KCNH8: variants seen among roughly 807,000 people sequenced by gnomAD.
KCNH8 encodes the protein potassium voltage-gated channel subfamily H member 8, also known as voltage-gated delayed rectifier potassium channel KCNH8.
KCNH8 carries 70 observed loss-of-function variants against 103.6 expected under a neutral mutation model. That is an observed-to-expected ratio of 0.68 (90% CI 0.56 to 0.82). The LOEUF (loss-of-function observed/expected upper bound fraction) is 0.82, where lower values mean the gene tolerates loss of function less well. Ranked by LOEUF, KCNH8 falls within the 40% of genes least tolerant of loss-of-function variation. The pLI is 0.00. For synonymous variants in KCNH8, 498 were observed against 489.4 expected, an observed-to-expected ratio of 1.02 and a Z score of -0.23; for missense variants, 1,217 against 1,329.9, an observed-to-expected ratio of 0.92 and a Z score of 1.32.
chr3:19,490,816 A>G (rs1047991146), intron 11 of KCNH8, among the ~76,000 whole-genome samples: 3 of 152,168 alleles, frequency 2.0e-5, no homozygotes, highest in African/African-American at 7.2e-5. Flanking sequence ...GACTTTTGGA[A>G]AACTCTGGAT....
At chr3:19,187,392 A>G (rs944557523) in intron 1 of KCNH8, among the ~76,000 whole-genome samples, 1 of 152,016 alleles carries the variant, frequency 6.6e-6, no homozygotes, top group African/African-American at 2.4e-5. Context: ...ATTGTCATGA[A>G]ATAACAACAA....
intron 1 of KCNH8, among the ~76,000 whole-genome samples, chr3:19,224,037 T>A (rs768475217): frequency 1.3e-5 from 2 of 152,164 alleles, no homozygotes; most frequent in Non-Finnish European, 2.9e-5. Context: ...TTATACTGAT[T>A]TGTGCTTCCC....
At chr3:19,239,889 C>T (rs2064116440) in intron 1 of KCNH8, among the ~76,000 whole-genome samples, 1 of 152,062 alleles carries the variant, frequency 6.6e-6, no homozygotes, top group Non-Finnish European at 1.5e-5. Context: ...TATACTTAAC[C>T]AAAGCAGGGA....
chr3:19,281,122 TA>T (rs1388808796), intron 2 of KCNH8, 75 bp from the exon 3 acceptor site: 65 of 1,475,862 alleles, frequency 4.4e-5, no homozygotes, highest in Non-Finnish European at 6.0e-5. Context: ...CTTTATTTTT[TA>T]TTGATGATTG....
Position 19,481,093 on chromosome 3 carries a change from T to C in KCNH8, c.2040+24111T>C, listed in dbSNP as rs138714638. On this transcript the variant is annotated intron_variant, in intron 11 of 15. Transcript: ENST00000328405. ...GTTTGGCTTCTTCCATCCTAATAGA[T>C]GGAAGGGCACAATTCTAAGGTCTCA... Among the ~76,000 whole-genome samples the C allele has an allele frequency of 5.9e-3, 901 of 152,324 alleles. 8 individuals are homozygous for C. The highest frequency in any genetic ancestry group is 0.02 in the African/African-American group (830 of 41,578).
At chr3:19,179,327 T>C (rs1274514021) in intron 1 of KCNH8, among the ~76,000 whole-genome samples, 1 of 152,174 alleles carries the variant, frequency 6.6e-6, no homozygotes, top group African/African-American at 2.4e-5. Flanking sequence ...ACTATGCTGA[T>C]TAACAATTTA....
chr3:19,468,697 A>G (rs2067793148), intron 11 of KCNH8, among the ~76,000 whole-genome samples: 7 of 152,212 alleles, frequency 4.6e-5, no homozygotes, highest in Admixed American at 4.6e-4. Context: ...CATTTTCTAC[A>G]TCTAATTTCC....
At chr3:19,308,787 CCTCTCT>C (rs57001260) in intron 3 of KCNH8, among the ~76,000 whole-genome samples, 6 of 36,884 alleles carry the variant, frequency 1.6e-4, no homozygotes, top group African/African-American at 6.1e-4. Context: ...TCTCTCTCTC[CCTCTCT>C]CTCTCTCCCT....
At chr3:19,432,646 C>T (rs1429462779) in intron 7 of KCNH8, among the ~76,000 whole-genome samples, 3 of 152,122 alleles carry the variant, frequency 2.0e-5, no homozygotes, top group African/African-American at 7.2e-5. Flanking sequence ...AGCTCAGACA[C>T]AAATGTATGT....
At chr3:19,484,473 A>G (rs6781615) in intron 11 of KCNH8, among the ~76,000 whole-genome samples, 15,046 of 152,206 alleles carry the variant, frequency 0.099, 1,605 homozygotes, top group East Asian at 0.27. Flanking sequence ...CTCATGCTTC[A>G]GCCGTGCGTA....
chr3:19,234,682 AG>A (rs1423977385), intron 1 of KCNH8, among the ~76,000 whole-genome samples: 14 of 180 alleles, frequency 0.078, no homozygotes, highest in African/African-American at 0.17. Context: ...CAGCCCAGAA[AG>A]GGGCTCCACA....
chr3:19,286,382 G>A (rs1418712087), intron 3 of KCNH8, among the ~76,000 whole-genome samples: 1 of 152,194 alleles, frequency 6.6e-6, no homozygotes, highest in Non-Finnish European at 1.5e-5. Context: ...AGACACCAGC[G>A]GTGTGAATGC....
Position 19,503,793 on chromosome 3 carries a change from G to T in KCNH8, c.2041-6570G>T, listed in dbSNP as rs190009795. ...GGGACTATTGTGGGGTAGGGGGAGG[G>T]GGGAGGGATAGCATTAGGAGATATA... On this transcript the variant is annotated intron_variant, in intron 11 of 15. Transcript: ENST00000328405. Among the ~76,000 whole-genome samples, 52 of 147,396 alleles carry T rather than the reference G, an allele frequency of 3.5e-4. 1 individual carries two copies. The highest frequency in any genetic ancestry group is 3.0e-4 in the Non-Finnish European group (20 of 66,822).
chr3:19,348,924 T>G (rs1382182272), intron 5 of KCNH8, among the ~76,000 whole-genome samples: 1 of 152,064 alleles, frequency 6.6e-6, no homozygotes, highest in Non-Finnish European at 1.5e-5. Flanking sequence ...TTTTGGTTTT[T>G]TCTCAGTGAA....
At chr3:19,501,879 CCT>C (rs1180518282) in intron 11 of KCNH8, among the ~76,000 whole-genome samples, 1 of 152,086 alleles carries the variant, frequency 6.6e-6, no homozygotes, top group African/African-American at 2.4e-5. Context: ...ACAGGGATGC[CCT>C]CTCTCACCAC....
chr3:19,399,084 C>T (rs2066569529), intron 7 of KCNH8, among the ~76,000 whole-genome samples: 1 of 151,906 alleles, frequency 6.6e-6, no homozygotes, highest in African/African-American at 2.4e-5. Flanking sequence ...GGAGGCAAGT[C>T]CTATATCAAC....
intron 15 of KCNH8, among the ~76,000 whole-genome samples, chr3:19,531,839 G>C (rs906598732): frequency 6.6e-6 from 1 of 152,028 alleles, no homozygotes; most frequent in African/African-American, 2.4e-5. Context: ...ACCTCTTTTT[G>C]TTTCCTGATT....
intron 7 of KCNH8, among the ~76,000 whole-genome samples, chr3:19,418,113 A>C (rs1347219641): frequency 6.6e-6 from 1 of 152,220 alleles, no homozygotes; most frequent in Non-Finnish European, 1.5e-5. Context: ...TGGGCTTCAA[A>C]AGGTGAGTAT....
intron 2 of KCNH8, among the ~76,000 whole-genome samples, chr3:19,254,657 G>A (rs967486347): frequency 4.6e-5 from 7 of 152,078 alleles, no homozygotes; most frequent in Non-Finnish European, 1.0e-4. Context: ...TGGGAGAAAT[G>A]CTAGATCAAA....
Sources: allele counts gnomAD v4.1 joint callset (sites outside exome capture counted in the v4.1 genomes callset), GRCh38; gene constraint gnomAD v4.1.1; transcripts MANE v1.5; gene names NCBI Gene and HGNC (gene_info 2026-07-23, HGNC 2026-07-21).